Variants in COMMD10 observed in about 807,000 individuals in gnomAD.
The protein encoded by COMMD10 is COMM domain containing 10, also known as COMM domain-containing protein 10.
Under a neutral mutation model 28.9 loss-of-function variants are expected in COMMD10, and 33 were observed. The observed-to-expected ratio is 1.14, with a 90% confidence interval of 0.87 to 1.53. COMMD10 has a LOEUF of 1.53. Ranked by LOEUF, COMMD10 falls within the 40% of genes most tolerant of loss-of-function variation. COMMD10 has a pLI of 0.00. For missense variants in COMMD10, 310 were observed against 233.4 expected, an observed-to-expected ratio of 1.33 and a Z score of -2.14; for synonymous variants, 110 against 81.7, an observed-to-expected ratio of 1.35 and a Z score of -1.87.
chr5:116,281,664 C>A (rs1751072376), intron 5 of COMMD10, among the ~76,000 whole-genome samples: 1 of 151,728 alleles, frequency 6.6e-6, no homozygotes, highest in Non-Finnish European at 1.5e-5. Flanking sequence ...ATATTAGTGA[C>A]TTCAATGTGT....
chr5:116,092,640 G>T lies in COMMD10; in HGVS notation c.339G>T (p.Trp113Cys), dbSNP rs745867369. The change falls in exon 4 of 7, where the codon TGG becomes TGT. Residue 113 changes from tryptophan to cysteine, a missense_variant. Physicochemically the swap from Trp to Cys is radical, Grantham distance 215 (BLOSUM62 -2). Transcript: ENST00000274458. ...AAGCTGAAGCATTTGTCAATACGTG[G>T]TCTTCTATGGGTCAAGAAACAGTTG... is the stretch of plus-strand genomic sequence containing the variant. ...QDKAEAFVNT[W>C]SSMGQETVEK... 3 of 1,611,812 alleles carry T rather than the reference G, an allele frequency of 1.9e-6. No homozygotes were observed. The South Asian group carries it at 3.3e-5, about 18-fold the overall frequency.
intron 5 of COMMD10, among the ~76,000 whole-genome samples, chr5:116,235,070 A>T (rs1749626165): frequency 6.6e-6 from 1 of 152,180 alleles, no homozygotes; most frequent in African/African-American, 2.4e-5. Flanking sequence ...TGTATAATAT[A>T]ATTTCAGATC....
At chr5:116,263,323 T>A (rs1750499880) in intron 5 of COMMD10, among the ~76,000 whole-genome samples, 1 of 151,754 alleles carries the variant, frequency 6.6e-6, no homozygotes, top group Non-Finnish European at 1.5e-5. Flanking sequence ...TGGGTTTTAT[T>A]TGACCCTATG....
At chr5:116,243,934 A>G (rs556655576) in intron 5 of COMMD10, among the ~76,000 whole-genome samples, 8 of 152,306 alleles carry the variant, frequency 5.3e-5, no homozygotes, top group South Asian at 2.1e-4. Flanking sequence ...TTAAGATGCA[A>G]TTTGAAACTT....
chr5:116,188,258 A>G (rs1748207828), intron 5 of COMMD10, among the ~76,000 whole-genome samples: 5 of 152,144 alleles, frequency 3.3e-5, no homozygotes, highest in Admixed American at 3.3e-4. Context: ...TTTTTGCCTT[A>G]TCAAGTCCAC....
intron 5 of COMMD10, among the ~76,000 whole-genome samples, chr5:116,202,480 G>A (rs893364032): frequency 6.6e-6 from 1 of 151,792 alleles, no homozygotes; most frequent in African/African-American, 2.4e-5. Flanking sequence ...CACAATGGTT[G>A]AACTAGTTTA....
chr5:116,157,783 T>C (rs1343150653), intron 5 of COMMD10, among the ~76,000 whole-genome samples: 1 of 152,190 alleles, frequency 6.6e-6, no homozygotes, highest in Non-Finnish European at 1.5e-5. Context: ...TTGTACAGTT[T>C]ATACTCCCAC....
At chr5:116,131,770 A>T (rs1200337876) in intron 4 of COMMD10, among the ~76,000 whole-genome samples, 2 of 152,058 alleles carry the variant, frequency 1.3e-5, no homozygotes, top group Non-Finnish European at 2.9e-5. Context: ...ATAGAGAAAG[A>T]TGCAGAGTGC....
Position 116,248,615 on chromosome 5 carries a change from C to T in COMMD10, c.511-42902C>T, listed in dbSNP as rs533002321. On this transcript the variant is annotated intron_variant, in intron 5 of 6. Coordinates refer to ENST00000274458, the MANE Select transcript of COMMD10 (RefSeq NM_016144.4). ...CCTGGTCTAAAGACTTGCACAATTT[C>T]TGGGAGTGGCCTTCTGTATAGCAGT... Among the ~76,000 whole-genome samples, 15 of 151,962 alleles carry T rather than the reference C, an allele frequency of 9.9e-5. No homozygotes were observed. The South Asian group carries it at 3.1e-3, about 32-fold the overall frequency.
intron 5 of COMMD10, among the ~76,000 whole-genome samples, chr5:116,244,796 C>T (rs551720077): frequency 6.6e-6 from 1 of 151,178 alleles, no homozygotes; most frequent in Non-Finnish European, 1.5e-5. Flanking sequence ...AACAGAGATA[C>T]AAAATACCGG....
chr5:116,119,881 A>G (rs758514458), intron 4 of COMMD10, among the ~76,000 whole-genome samples: 11 of 152,100 alleles, frequency 7.2e-5, no homozygotes, highest in Non-Finnish European at 1.5e-4. Context: ...CAGCCTCCCA[A>G]AGTGCTAGGA....
chr5:116,217,593 G>A (rs1424168821), intron 5 of COMMD10, among the ~76,000 whole-genome samples: 1 of 152,200 alleles, frequency 6.6e-6, no homozygotes, highest in East Asian at 1.9e-4. Flanking sequence ...CAGATTGCCT[G>A]ACACACTGGT....
chr5:116,168,401 C>A (rs980860572), intron 5 of COMMD10, among the ~76,000 whole-genome samples: 1 of 152,164 alleles, frequency 6.6e-6, no homozygotes, highest in African/African-American at 2.4e-5. Flanking sequence ...GACTTTAACA[C>A]CACACTTTCG....
At position 116,091,108 on chromosome 5, in the gene COMMD10, A is replaced by G; in HGVS notation, c.162A>G (p.Glu54=). Residue 54 remains glutamate, a synonymous_variant, in exon 3 of 7, where the codon GAA becomes GAG. Transcript: ENST00000274458. The part of the protein sequence containing the change: ...KAESSFSEEE[E]EKLQAAFSLE... Reference sequence around the variant, plus strand: ...AGAGCAGTTTCAGTGAAGAAGAGGAAGAAAAACTTCAAGCGGCATTTTCTC... The same window carrying G: ...AGAGCAGTTTCAGTGAAGAAGAGGAGGAAAAACTTCAAGCGGCATTTTCTC... 6.2e-7 allele frequency: 1 copy of G among 1,611,750 alleles called. No homozygotes were observed. The highest frequency in any genetic ancestry group is 8.5e-7 in the Non-Finnish European group (1 of 1,178,600).
intron 5 of COMMD10, among the ~76,000 whole-genome samples, chr5:116,216,554 A>G (rs1028004648): frequency 5.3e-5 from 8 of 152,216 alleles, no homozygotes; most frequent in African/African-American, 1.9e-4. Flanking sequence ...TTTGTTTGAG[A>G]CGGAGTCTTG....
At chr5:116,113,627 A>T (rs1431800007) in intron 4 of COMMD10, among the ~76,000 whole-genome samples, 1 of 151,694 alleles carries the variant, frequency 6.6e-6, no homozygotes, top group African/African-American at 2.4e-5. Context: ...TGAATTTTTT[A>T]GTTCCAGGAT....
intron 5 of COMMD10, among the ~76,000 whole-genome samples, chr5:116,266,409 G>C (rs552963850): frequency 6.6e-6 from 1 of 151,580 alleles, no homozygotes; most frequent in Non-Finnish European, 1.5e-5. Flanking sequence ...AATCCGCAGC[G>C]ATGCTAAGGA....
intron 3 of COMMD10, 52 bp downstream of exon 3, chr5:116,091,241 G>T: frequency 1.1e-6 from 1 of 915,736 alleles, no homozygotes; most frequent in Non-Finnish European, 1.7e-6. Context: ...CTACATATTT[G>T]TATTGTTATG....
At chr5:116,285,262 T>C (rs1751187077) in intron 5 of COMMD10, among the ~76,000 whole-genome samples, 1 of 152,020 alleles carries the variant, frequency 6.6e-6, no homozygotes, top group Non-Finnish European at 1.5e-5. Context: ...TACTCCTTAC[T>C]TGATAAGATA....
Sources: allele counts gnomAD v4.1 joint callset (sites outside exome capture counted in the v4.1 genomes callset), GRCh38; gene constraint gnomAD v4.1.1; transcripts MANE v1.5; gene names NCBI Gene and HGNC (gene_info 2026-07-23, HGNC 2026-07-21).